Variants in MAP3K13 observed in about 807,000 individuals in gnomAD.
MAP3K13 encodes leucine zipper-bearing kinase.
A neutral mutation model predicts 104.0 loss-of-function variants in MAP3K13; 52 were observed. The ratio of observed to expected loss-of-function variants is 0.50; its 90% CI spans 0.40 to 0.63. MAP3K13 has a LOEUF of 0.63. Ranked by LOEUF, MAP3K13 falls within the 20% of genes least tolerant of loss-of-function variation. MAP3K13 has a pLI of 0.00. For synonymous variants in MAP3K13, 394 were observed against 442.2 expected (o/e 0.89, Z 1.37); for missense variants, 914 against 1,218.5 (o/e 0.75, Z 3.72).
At chr3:185,401,320 C>A (rs748914454) in intron 1 of MAP3K13, among the ~76,000 whole-genome samples, 51 of 152,234 alleles carry the variant, frequency 3.4e-4, no homozygotes, top group South Asian at 8.3e-4. Context: ...CTATAATTTC[C>A]TGAATTGATG....
chr3:185,458,782 T>C (rs771741881), intron 7 of MAP3K13, among the ~76,000 whole-genome samples: 2 of 152,244 alleles, frequency 1.3e-5, no homozygotes, highest in Non-Finnish European at 2.9e-5. Flanking sequence ...AGAGTCCAGC[T>C]GACTCCTTCC....
At chr3:185,292,724 T>C in intron 2 of MAP3K13, 1 of 985,046 alleles carries the variant, frequency 1.0e-6, no homozygotes. Context: ...CCAGGTTGGA[T>C]ACATGGCAAC....
chr3:185,455,716 G>C (rs752623529), intron 7 of MAP3K13, among the ~76,000 whole-genome samples: 12 of 10,912 alleles, frequency 1.1e-3, no homozygotes, highest in East Asian at 2.6e-3. Context: ...ATATATATGA[G>C]ATATATATGA....
intron 7 of MAP3K13, among the ~76,000 whole-genome samples, chr3:185,455,826 A>G (rs1716677178): frequency 8.8e-6 from 1 of 113,718 alleles, no homozygotes; most frequent in South Asian, 3.1e-4. Flanking sequence ...TATGAGATAT[A>G]TATGAGATAT....
At position 185,473,696 on chromosome 3, in the gene MAP3K13, T is replaced by G. The variant is rs566975757; in HGVS notation, c.2365T>G (p.Ser789Ala). The G allele has an allele frequency of 1.2e-6, 2 of 1,614,098 alleles. No individual in the cohort carries two copies. Among genetic ancestry groups the G allele is most frequent in the East Asian group, 2.2e-5 (1 of 44,868 alleles). ...ATTCAGCGGCTGTAGGTCTGAGTCA[T>G]CCCTCGGCACCTCTCATCTCGGCAC... ...NEFSGCRSES[S>A]LGTSHLGTPP... is the part of the protein sequence containing the mutation. Residue 789 changes from serine (S) to alanine (A), a missense_variant, in exon 11 of 14, where the codon TCC becomes GCC. Transcript: ENST00000265026. The surrounding 1 kb of genome is among the most constrained non-coding windows in gnomAD (Gnocchi z 4.9).
intron 1 of MAP3K13, among the ~76,000 whole-genome samples, chr3:185,366,921 A>C (rs535893220): frequency 4.0e-4 from 61 of 152,296 alleles, no homozygotes; most frequent in African/African-American, 1.5e-3. Context: ...ATGGTATAAA[A>C]ATTTTTAATT....
chr3:185,303,792 CTAT>C (rs146796489), intron 2 of MAP3K13, among the ~76,000 whole-genome samples: 13,469 of 151,402 alleles, frequency 0.089, 815 homozygotes, highest in East Asian at 0.2. Context: ...TGATTTCTTT[CTAT>C]TATTTTTCTA....
intron 2 of MAP3K13, among the ~76,000 whole-genome samples, chr3:185,345,552 G>C (rs948174553): frequency 1.3e-5 from 2 of 152,122 alleles, no homozygotes; most frequent in African/African-American, 2.4e-5. Flanking sequence ...TCAGATCAGC[G>C]GTGGCATTAG....
At chr3:185,420,165 A>G (rs143889625) in intron 1 of MAP3K13, among the ~76,000 whole-genome samples, 792 of 151,668 alleles carry the variant, frequency 5.2e-3, no homozygotes, top group Non-Finnish European at 9.0e-3. Flanking sequence ...TATAAAGAAG[A>G]TGAAAAGAGG....
chr3:185,348,916 A>AAAAC (rs765111840), intron 2 of MAP3K13, among the ~76,000 whole-genome samples: 58 of 147,702 alleles, frequency 3.9e-4, no homozygotes, highest in African/African-American at 1.1e-3. Flanking sequence ...ACTCTGTCTC[A>AAAAC]AAACAAACAA....
rs1314084719 is a variant in MAP3K13, at chr3:185,473,815, G to A, written c.2430+54G>A. ...GTCACTGCCTTCAAAGAATGCCAGA[G>A]CCTGTCATGTTATACACATTAGAGA... On this transcript the variant is annotated intron_variant, in intron 11 of 13. Coordinates refer to ENST00000265026, the MANE Select transcript of MAP3K13 (RefSeq NM_004721.5). The surrounding 1 kb of genome is among the most constrained non-coding windows in gnomAD (Gnocchi z 4.9). The A allele has an allele frequency of 6.5e-7, 1 of 1,532,822 alleles. No individual in the cohort carries two copies. The highest frequency in any genetic ancestry group is 8.8e-7 in the Non-Finnish European group (1 of 1,132,736). 95.0% of individuals were successfully genotyped at this position (1,532,822 alleles called of 1,614,324 possible). A position where few individuals can be genotyped will look rare whatever the true frequency, so the allele number is the denominator to read the frequency against.
chr3:185,396,987 T>C (rs1367320448), intron 1 of MAP3K13, among the ~76,000 whole-genome samples: 1 of 152,168 alleles, frequency 6.6e-6, no homozygotes, highest in Non-Finnish European at 1.5e-5. Context: ...AAACATTTTC[T>C]ATACCTAGAG....
intron 1 of MAP3K13, among the ~76,000 whole-genome samples, chr3:185,420,195 G>A (rs1433098071): frequency 4.6e-5 from 7 of 151,106 alleles, no homozygotes; most frequent in African/African-American, 1.7e-4. Flanking sequence ...GGATTTTGTC[G>A]ATTTGAGTTT....
intron 2 of MAP3K13, among the ~76,000 whole-genome samples, chr3:185,302,839 A>G (rs1422605359): frequency 3.3e-5 from 5 of 151,998 alleles, no homozygotes; most frequent in East Asian, 3.8e-4. Flanking sequence ...TTTTTCTTGT[A>G]TAATTGCCCT....
chr3:185,400,152 T>C (rs1444101388), intron 1 of MAP3K13, among the ~76,000 whole-genome samples: 1 of 152,158 alleles, frequency 6.6e-6, no homozygotes, highest in East Asian at 1.9e-4. Flanking sequence ...AATCCACCTT[T>C]CCAGCCCTAT....
intron 2 of MAP3K13, among the ~76,000 whole-genome samples, chr3:185,343,747 G>A (rs2108723683): frequency 6.6e-6 from 1 of 152,236 alleles, no homozygotes; most frequent in East Asian, 1.9e-4. Context: ...CACTGCGCCT[G>A]GCTGGATATT....
intron 2 of MAP3K13, among the ~76,000 whole-genome samples, chr3:185,310,370 GA>G (rs200123575): frequency 2.0e-5 from 3 of 151,726 alleles, no homozygotes; most frequent in Admixed American, 6.6e-5. Context: ...TGAAATATAT[GA>G]AAAAAAACAC....
chr3:185,442,543 T>TC (rs1233402965), intron 3 of MAP3K13, among the ~76,000 whole-genome samples: 3 of 151,620 alleles, frequency 2.0e-5, no homozygotes, highest in African/African-American at 7.3e-5. Context: ...TTTTCTTTTT[T>TC]TTTTTTCTGA....
chr3:185,450,113 A>C lies in MAP3K13; in HGVS notation c.1169+55A>C. The C allele has an allele frequency of 6.9e-7, 1 of 1,451,160 alleles. No homozygotes were observed. The highest frequency in any genetic ancestry group is 1.4e-5 in the South Asian group (1 of 69,152). The allele number at this position is 1,451,160 out of a possible 1,614,324, so 89.9% of individuals were successfully genotyped here. On this transcript the variant is annotated intron_variant, in intron 6 of 13. Transcript: ENST00000265026. The surrounding 1 kb of genome is among the most constrained non-coding windows in gnomAD (Gnocchi z 4.2). Reference sequence around the variant, plus strand: ...AGGTCTCTAATGTGTATTTGGAGTAAATATCCTGGTGGTGGAAAGAATAGG... The same window carrying C: ...AGGTCTCTAATGTGTATTTGGAGTACATATCCTGGTGGTGGAAAGAATAGG...
Sources: gnomAD v4.1 joint callset for allele counts (sites outside exome capture counted in the v4.1 genomes callset) on GRCh38, gnomAD v4.1.1 for gene constraint, Gnocchi (gnomAD v3.1) non-coding constraint, MANE v1.5 for transcripts, NCBI Gene and HGNC (gene_info 2026-07-23, HGNC 2026-07-21) for gene names.